Variants in EIF3D observed in about 807,000 individuals in gnomAD.
EIF3D encodes the protein eIF3 p66.
In EIF3D, 10 loss-of-function variants were observed where a neutral mutation model predicts 75.4. That is an observed-to-expected ratio of 0.13 (90% CI 0.08 to 0.22). The LOEUF (loss-of-function observed/expected upper bound fraction) is 0.22. EIF3D is among the 10% of genes least tolerant of loss of function. EIF3D has a pLI of 1.00. For synonymous variants in EIF3D, 246 were observed against 248.3 expected, an observed-to-expected ratio of 0.99 and a Z score of 0.09; for missense variants, 394 against 708.0, an observed-to-expected ratio of 0.56 and a Z score of 5.03.
At chr22:36,513,345 C>G (rs62229997) in intron 12 of EIF3D, among the ~76,000 whole-genome samples, 3,758 of 151,886 alleles carry the variant, frequency 0.025, 82 homozygotes, top group Non-Finnish European at 0.04. Context: ...TCTTGTTGCC[C>G]AGGGTGGAGT....
chr22:36,511,477 A>G, intron 14 of EIF3D, 26 bp downstream of exon 14: 1 of 1,612,878 alleles, frequency 6.2e-7, no homozygotes. Flanking sequence ...ATCACTCTAG[A>G]CCTCAGAAAG....
rs1934614476 is a variant in EIF3D, at chr22:36,526,977, T to C, written c.-10-846A>G. 3 of 151,766 alleles carry C rather than the reference T, an allele frequency of 2.0e-5. No homozygotes were observed. In the South Asian group the frequency reaches 6.2e-4, roughly 31 times the overall value. The allele number at this position is 151,766 out of a possible 1,614,324, so 9.4% of individuals were successfully genotyped here. A position where few individuals can be genotyped will look rare whatever the true frequency, so the allele number is the denominator to read the frequency against. On this transcript the variant is annotated intron_variant, in intron 1 of 14. Coordinates refer to ENST00000216190, the MANE Select transcript of EIF3D (RefSeq NM_003753.4). Reference sequence around the variant, plus strand: ...ACACAAGTATTCAGACTTGCAAAAGTGCATTTATGTATATAGAGTGCTGAG... The same window carrying C: ...ACACAAGTATTCAGACTTGCAAAAGCGCATTTATGTATATAGAGTGCTGAG...
intron 6 of EIF3D, among the ~76,000 whole-genome samples, 174 bp from the exon 7 acceptor site, chr22:36,520,862 G>A (rs1018335378): frequency 2.0e-5 from 3 of 152,154 alleles, no homozygotes; most frequent in Non-Finnish European, 4.4e-5. Flanking sequence ...TGAGGCTGCA[G>A]TGAGCTATGA....
intron 6 of EIF3D, among the ~76,000 whole-genome samples, chr22:36,521,797 C>T (rs1213370422): frequency 2.0e-5 from 3 of 148,602 alleles, no homozygotes; most frequent in Non-Finnish European, 3.0e-5. Context: ...AAAAGCCAGA[C>T]ATGTTGGCAC....
intron 12 of EIF3D, among the ~76,000 whole-genome samples, chr22:36,513,396 G>A (rs201781147): frequency 3.3e-5 from 5 of 151,718 alleles, no homozygotes; most frequent in South Asian, 4.2e-4. Context: ...TCCGCCTCCC[G>A]GGTTCAAGTG....
At position 36,523,916 on chromosome 22, in the gene EIF3D, T is replaced by C; in HGVS notation, c.371A>G (p.Lys124Arg). 1 of 1,614,174 alleles carries C rather than the reference T, an allele frequency of 6.2e-7. No homozygotes were observed. The highest frequency in any genetic ancestry group is 1.7e-5 in the Admixed American group (1 of 60,014). The change falls in exon 5 of 15, where the codon AAG (lysine) becomes AGG (arginine). Residue 124 changes from lysine (K) to arginine (R), a missense_variant. Lys to Arg is a conservative substitution (Grantham distance 26). Coordinates refer to ENST00000216190, the MANE Select transcript of EIF3D (RefSeq NM_003753.4). ...MLQFNLQILPKSAKQKERERI... is the reference protein window; with the variant it reads ...MLQFNLQILPRSAKQKERERI... ...TCACCTCTCTTTCTGTTTGGCACTC[T>C]TAGGCAGGATCTGCAGGTTGAACTG...
In EIF3D at chr22:36,518,901, T is replaced by A; in HGVS notation, c.721A>T (p.Thr241Ser). The change falls in exon 9 of 15, where the codon ACT becomes TCT. Residue 241 changes from threonine (T) to serine (S), a missense_variant. Thr to Ser is a moderately conservative substitution (Grantham distance 58, BLOSUM62 1). Coordinates refer to ENST00000216190, the MANE Select transcript of EIF3D (RefSeq NM_003753.4). ...DDPVIRKLAKTQGNVFATDAI... is the reference protein window; with the variant it reads ...DDPVIRKLAKSQGNVFATDAI... ...TCAGTGGCAAACACATTCCCCTGAG[T>A]TTTTGCCAGCTGCAAAGAGGATCAA... 1 of 1,613,528 alleles carries A rather than the reference T, an allele frequency of 6.2e-7. No individual in the cohort carries two copies. Among genetic ancestry groups the A allele is most frequent in the African/African-American group, 1.3e-5 (1 of 74,900 alleles).
chr22:36,516,088 A>G (rs78880044), intron 12 of EIF3D: 4,386 of 169,708 alleles, frequency 0.026, 95 homozygotes, highest in Non-Finnish European at 0.039. Flanking sequence ...AGAGGTCAAA[A>G]AGAAGAGCGG....
chr22:36,526,269 C>T lies in EIF3D; in HGVS notation c.-10-138G>A, dbSNP rs192557394. 42 of 852,450 alleles carry T rather than the reference C, an allele frequency of 4.9e-5. No homozygotes were observed. In the South Asian group the frequency reaches 6.6e-4, roughly 13 times the overall value. The allele number at this position is 852,450 out of a possible 1,614,324, so 52.8% of individuals were successfully genotyped here. A position where few individuals can be genotyped will look rare whatever the true frequency, so the allele number is the denominator to read the frequency against. ...CAAAATGGAACCCTCAACTGTTGAGCGACTACTACTGTTTTTGTTAATTAT... is the reference window on the plus strand; with the variant it reads ...CAAAATGGAACCCTCAACTGTTGAGTGACTACTACTGTTTTTGTTAATTAT... On this transcript the variant is annotated intron_variant, in intron 1 of 14. Transcript: ENST00000216190.
intron 1 of EIF3D, among the ~76,000 whole-genome samples, chr22:36,528,251 C>A (rs895540477): frequency 1.3e-5 from 2 of 152,004 alleles, no homozygotes; most frequent in Non-Finnish European, 2.9e-5. Flanking sequence ...CAGCAGCCCG[C>A]AAAGATCAGG....
At position 36,516,794 on chromosome 22, in the gene EIF3D, C is replaced by A; in HGVS notation, c.991-4G>T. 6.2e-7 allele frequency: 1 copy of A among 1,613,970 alleles called. No individual in the cohort carries two copies. The highest frequency in any genetic ancestry group is 8.5e-7 in the Non-Finnish European group (1 of 1,179,858). ...GGAAGTTGTATCTTTCCTTCCCCTG[C>A]AAAAACAAAGGTGTCACAAGACAGA... On this transcript the variant is annotated splice_polypyrimidine_tract_variant and splice_region_variant and intron_variant, in intron 10 of 14. Transcript: ENST00000216190.
At chr22:36,527,964 A>C (rs1934632249) in intron 1 of EIF3D, among the ~76,000 whole-genome samples, 1 of 152,224 alleles carries the variant, frequency 6.6e-6, no homozygotes, top group South Asian at 2.1e-4. Flanking sequence ...TGAACCTAGA[A>C]GTTTCATCTT....
At chr22:36,514,941 G>A (rs758221304) in intron 12 of EIF3D, among the ~76,000 whole-genome samples, 2 of 152,078 alleles carry the variant, frequency 1.3e-5, no homozygotes, top group Non-Finnish European at 2.9e-5. Context: ...TGTGGTAAGA[G>A]TATTCAAGAG....
chr22:36,521,015 C>A (rs6000290), intron 6 of EIF3D, among the ~76,000 whole-genome samples: 26 of 152,290 alleles, frequency 1.7e-4, no homozygotes, highest in African/African-American at 6.3e-4. Context: ...GCCTGTCCAA[C>A]ATGGTGAAAC....
intron 3 of EIF3D, among the ~76,000 whole-genome samples, chr22:36,525,298 C>A (rs1352784585): frequency 7.7e-6 from 1 of 130,324 alleles, no homozygotes; most frequent in African/African-American, 3.0e-5. Context: ...GGCTGGAGTA[C>A]AATAGCATGA....
rs768368535 is a variant in EIF3D at position 36,512,546 on chromosome 22, A to G, written c.1263T>C (p.Ile421=). 6.2e-7 allele frequency: 1 copy of G among 1,614,202 alleles called. No homozygotes were observed. Among genetic ancestry groups the G allele is most frequent in the Non-Finnish European group, 8.5e-7 (1 of 1,180,036 alleles). The change falls in exon 13 of 15, where the codon ATT becomes ATC. Residue 421 remains isoleucine (I), a synonymous_variant. Coordinates refer to ENST00000216190, the MANE Select transcript of EIF3D (RefSeq NM_003753.4). ...QKLDSQRGAV[I]ATELKNNSYK... is the part of the protein sequence containing the mutation. ...AGCTGTTGTTCTTCAGCTCCGTGGC[A>G]ATGACAGCCCCTCGCTGAGAGTCCA...
At chr22:36,520,240 T>C (rs1224888712) in intron 7 of EIF3D, among the ~76,000 whole-genome samples, 1 of 151,608 alleles carries the variant, frequency 6.6e-6, no homozygotes, top group Non-Finnish European at 1.5e-5. Context: ...CACTGCAACC[T>C]CCACCTCCAG....
intron 4 of EIF3D, 80 bp downstream of exon 4, chr22:36,524,516 G>A (rs1370727393): frequency 5.7e-6 from 9 of 1,591,782 alleles, no homozygotes; most frequent in Non-Finnish European, 6.9e-6. Flanking sequence ...CTCATTAGGA[G>A]TCACAAGGTA....
intron 4 of EIF3D, 22 bp downstream of exon 4, chr22:36,524,574 T>C (rs1453651751): frequency 6.2e-6 from 10 of 1,613,860 alleles, no homozygotes; most frequent in Non-Finnish European, 8.5e-6. Context: ...CAAGATGGTG[T>C]GGTTGCTGGC....
Sources: allele counts gnomAD v4.1 joint callset (sites outside exome capture counted in the v4.1 genomes callset), GRCh38; gene constraint gnomAD v4.1.1; transcripts MANE v1.5; gene names NCBI Gene and HGNC (gene_info 2026-07-23, HGNC 2026-07-21).